The following OR6N1 variants were observed in gnomAD, a reference collection of about 807,000 sequenced individuals.
OR6N1 encodes the protein olfactory receptor 6N1.
For missense variants in OR6N1, 394 were observed against 371.7 expected (o/e 1.06, Z -0.49); for synonymous variants, 170 against 150.7 (o/e 1.13, Z -0.94).
Position 158,765,888 on chromosome 1 carries a change from G to T in OR6N1, c.795C>A (p.Ser265Arg). ...ILSMYVQLKK[S>R]YSLDYDQALA... ...GGGCCTGGTCATAGTCCAGTGAGTA[G>T]CTCTTCTTCAGCTGCACATACATGG... The change falls in exon 2 of 2, where the codon AGC becomes AGA. Residue 265 changes from serine to arginine, a missense_variant. Transcript: ENST00000641846. 1 of 1,614,126 alleles carries T rather than the reference G, an allele frequency of 6.2e-7. No individual in the cohort carries two copies. The highest frequency in any genetic ancestry group is 8.5e-7 in the Non-Finnish European group (1 of 1,179,986).
At chr1:158,826,291 A>G in the OR6N1 span, among the ~76,000 whole-genome samples, 1 of 152,200 alleles carries the variant, frequency 6.6e-6, no homozygotes, top group Non-Finnish European at 1.5e-5. Context: ...TTTTAAAAAC[A>G]TACTTTTTAT....
the OR6N1 span, among the ~76,000 whole-genome samples, chr1:158,810,563 C>T: frequency 8.4e-4 from 128 of 152,292 alleles, 1 homozygote; most frequent in Middle Eastern, 3.4e-3. Context: ...CTGCAACCCT[C>T]GCTGTGGACT....
the OR6N1 span, among the ~76,000 whole-genome samples, chr1:158,833,637 T>C: frequency 2.0e-5 from 3 of 152,250 alleles, no homozygotes; most frequent in Non-Finnish European, 4.4e-5. Context: ...TTCATTCATG[T>C]TGTATTGTAT....
chr1:158,839,021 T>G, the OR6N1 span, among the ~76,000 whole-genome samples: 3 of 152,184 alleles, frequency 2.0e-5, no homozygotes, highest in Non-Finnish European at 4.4e-5. Flanking sequence ...TTTAACTCAT[T>G]TATCATATTT....
chr1:158,803,101 C>T, the OR6N1 span, among the ~76,000 whole-genome samples: 296 of 152,048 alleles, frequency 1.9e-3, 4 homozygotes, highest in Middle Eastern at 6.8e-3. Context: ...ATTTAAGATA[C>T]GGAGGTAACC....
chr1:158,801,667 G>T, the OR6N1 span, among the ~76,000 whole-genome samples: 1 of 152,068 alleles, frequency 6.6e-6, no homozygotes, highest in South Asian at 2.1e-4. Flanking sequence ...CTATATAAAT[G>T]TTGTATAAAG....
rs745533980 is a variant in OR6N1, at chr1:158,766,106, A to T, written c.577T>A (p.Ser193Thr). 1.9e-6 allele frequency: 3 copies of T among 1,614,160 alleles called. No homozygotes were observed. Among genetic ancestry groups the T allele is most frequent in the Non-Finnish European group, 2.5e-6 (3 of 1,180,024 alleles). The change falls in exon 2 of 2, where the codon TCT becomes ACT. Residue 193 changes from serine to threonine, a missense_variant. Transcript: ENST00000641846. ...ACAAAATCTACTAGGACATTTATAG[A>T]CGTATCAGTGCAAGCCAAACTCAGC... ...PVLSLACTDT[S>T]INVLVDFVIN... is the part of the protein sequence containing the mutation.
At chr1:158,807,604 C>T in the OR6N1 span, among the ~76,000 whole-genome samples, 19 of 152,150 alleles carry the variant, frequency 1.2e-4, no homozygotes, top group African/African-American at 4.3e-4. Flanking sequence ...TCCCTGGATG[C>T]CACAAATAGA....
chr1:158,769,013 G>A (rs1657346682), intron 1 of OR6N1, among the ~76,000 whole-genome samples: 1 of 152,058 alleles, frequency 6.6e-6, no homozygotes. Flanking sequence ...CTAGAGCCAT[G>A]TCTGAAATAT....
the OR6N1 span, among the ~76,000 whole-genome samples, chr1:158,834,713 G>A: frequency 6.6e-6 from 1 of 152,200 alleles, no homozygotes; most frequent in East Asian, 1.9e-4. Flanking sequence ...CCAATGTCAT[G>A]GAGCCTTTCC....
At chr1:158,804,713 T>G in the OR6N1 span, among the ~76,000 whole-genome samples, 1 of 152,180 alleles carries the variant, frequency 6.6e-6, no homozygotes, top group African/African-American at 2.4e-5. Flanking sequence ...ACATTATTTT[T>G]AAAATGTGCT....
At chr1:158,828,902 A>G in the OR6N1 span, among the ~76,000 whole-genome samples, 6 of 152,040 alleles carry the variant, frequency 3.9e-5, no homozygotes, top group South Asian at 1.0e-3. Flanking sequence ...ACTTCTCTGC[A>G]CTCTCAGGCT....
At chr1:158,766,934 T>A (rs539423924) in intron 1 of OR6N1, among the ~76,000 whole-genome samples, 37 of 152,236 alleles carry the variant, frequency 2.4e-4, no homozygotes, top group African/African-American at 8.9e-4. Flanking sequence ...CACAGCTCAT[T>A]TTTGGCCTTC....
chr1:158,820,894 C>T, the OR6N1 span, among the ~76,000 whole-genome samples: 18 of 152,292 alleles, frequency 1.2e-4, no homozygotes, highest in African/African-American at 3.4e-4. Flanking sequence ...CGTATGCATA[C>T]CAGCCTTCAG....
chr1:158,775,924 A>G (rs1367413659), upstream of OR6N1: 1 of 152,234 alleles, frequency 6.6e-6, no homozygotes, highest in Admixed American at 6.5e-5. Context: ...GACAAGTCCA[A>G]TCCAGGCAGT....
chr1:158,811,081 G>A, the OR6N1 span, among the ~76,000 whole-genome samples: 1 of 152,130 alleles, frequency 6.6e-6, no homozygotes, highest in East Asian at 1.9e-4. Context: ...TCTCCTCTAT[G>A]TGTCCATGTA....
intron 1 of OR6N1, among the ~76,000 whole-genome samples, chr1:158,769,126 G>A (rs540289479): frequency 1.6e-4 from 25 of 152,210 alleles, no homozygotes; most frequent in Middle Eastern, 3.4e-3. Flanking sequence ...GCTGGATATG[G>A]AGATAAATCA....
intron 1 of OR6N1, among the ~76,000 whole-genome samples, chr1:158,767,733 T>C (rs1657314162): frequency 6.6e-6 from 1 of 152,174 alleles, no homozygotes; most frequent in Non-Finnish European, 1.5e-5. Context: ...AAATTCTTTC[T>C]CTTTACTCAT....
chr1:158,788,951 C>A, the OR6N1 span, among the ~76,000 whole-genome samples: 1 of 151,850 alleles, frequency 6.6e-6, no homozygotes, highest in Non-Finnish European at 1.5e-5. Context: ...TTCTAAAAAC[C>A]CAAAAAAGGA....
Sources: allele counts gnomAD v4.1 joint callset (sites outside exome capture counted in the v4.1 genomes callset), GRCh38; gene constraint gnomAD v4.1.1; transcripts MANE v1.5; gene names NCBI Gene and HGNC (gene_info 2026-07-23, HGNC 2026-07-21).